Variants in SLC37A1 observed in about 807,000 individuals in gnomAD.
SLC37A1 encodes the protein solute carrier family 37 member 1, also known as glucose-6-phosphate exchanger SLC37A1.
A neutral mutation model predicts 75.3 loss-of-function variants in SLC37A1; 49 were observed. The ratio of observed to expected loss-of-function variants is 0.65; its 90% CI spans 0.52 to 0.83. The LOEUF (loss-of-function observed/expected upper bound fraction) is 0.83, where lower values mean the gene tolerates loss of function less well. Among genes scored for constraint, SLC37A1 ranks in the 40% least tolerant of loss-of-function variants. SLC37A1 has a pLI of 0.00. For synonymous variants in SLC37A1, 268 were observed against 292.1 expected, an observed-to-expected ratio of 0.92 and a Z score of 0.84; for missense variants, 566 against 695.0, an observed-to-expected ratio of 0.81 and a Z score of 2.09.
In SLC37A1 at chr21:42,505,277, C is replaced by T. The variant is rs535228225; in HGVS notation, c.-179+2860C>T. ...TCTCTTGCCTTATGTTCACACACCA[C>T]ACTCTCTGCTGTGGCCATAATGACT... On this transcript the variant is annotated intron_variant, in intron 2 of 20. Transcript: ENST00000398341. 2.6e-5 allele frequency among the ~76,000 whole-genome samples: 4 copies of T among 152,346 alleles called. No homozygotes were observed. In the East Asian group the frequency reaches 5.8e-4, roughly 22 times the overall value.
intron 9 of SLC37A1, among the ~76,000 whole-genome samples, chr21:42,551,973 G>A (rs1388820561): frequency 6.6e-6 from 1 of 152,098 alleles, no homozygotes; most frequent in Non-Finnish European, 1.5e-5. Context: ...TCTATCCCCT[G>A]TATCTCCTGT....
rs748910491 is a variant in SLC37A1 at position 42,568,417 on chromosome 21, A to G, written c.1402A>G (p.Ile468Val). ...AHALSTVTAI[I>V]DGTGSVGAAL... is the part of the protein sequence containing the mutation. ...CGCCCTCTCCACCGTGACGGCCATCATTGACGGGACGGGCTCTGTAGGTGC... is the reference window on the plus strand; with the variant it reads ...CGCCCTCTCCACCGTGACGGCCATCGTTGACGGGACGGGCTCTGTAGGTGC... Residue 468 changes from isoleucine (I) to valine (V), a missense_variant, in exon 17 of 20, where the codon ATT becomes GTT. Physicochemically the swap from Ile to Val is conservative, Grantham distance 29. Transcript: ENST00000352133. 1.5e-5 allele frequency: 25 copies of G among 1,614,012 alleles called. No homozygotes were observed. The highest frequency in any genetic ancestry group is 2.1e-5 in the Non-Finnish European group (25 of 1,180,006).
In SLC37A1 at chr21:42,547,624, C is replaced by A; in HGVS notation, c.768+484C>A. On this transcript the variant is annotated intron_variant, in intron 9 of 19. Coordinates refer to ENST00000352133, the MANE Select transcript of SLC37A1 (RefSeq NM_001320537.2). This position sits in a 1 kb window ranked among gnomAD's most constrained non-coding sequence, Gnocchi z 6.1. Reference sequence around the variant, plus strand: ...GCAGGATTGCTGACCACGTTGGCTGCCATGAATGAGCCCTGCCCTAGCTGC... The same window carrying A: ...GCAGGATTGCTGACCACGTTGGCTGACATGAATGAGCCCTGCCCTAGCTGC... 1 of 158,804 alleles carries A rather than the reference C, an allele frequency of 6.3e-6. No individual in the cohort carries two copies. The highest frequency in any genetic ancestry group is 1.4e-5 in the Non-Finnish European group (1 of 72,424). The allele number at this position is 158,804 out of a possible 1,614,324, so 9.8% of individuals were successfully genotyped here. A position where few individuals can be genotyped will look rare whatever the true frequency, so the allele number is the denominator to read the frequency against.
In SLC37A1 at chr21:42,548,863, C is replaced by T. The variant is rs138323962; in HGVS notation, c.768+1723C>T. Among the ~76,000 whole-genome samples, 678 of 152,252 alleles carry T rather than the reference C, an allele frequency of 4.5e-3. 3 individuals are homozygous for T. Among genetic ancestry groups the T allele is most frequent in the Non-Finnish European group, 6.6e-3 (448 of 68,028 alleles). ...CGGCACCTGGGGCAGCACCTGGCCT[C>T]GTGCGGGAGGGGGGCCAGAGTCCTT... On this transcript the variant is annotated intron_variant, in intron 9 of 19. Coordinates refer to ENST00000352133, the MANE Select transcript of SLC37A1 (RefSeq NM_001320537.2). The surrounding 1 kb of genome is among the most constrained non-coding windows in gnomAD (Gnocchi z 5.6).
At chr21:42,550,252 A>G (rs1368328025) in intron 9 of SLC37A1, among the ~76,000 whole-genome samples, 1 of 152,240 alleles carries the variant, frequency 6.6e-6, no homozygotes, top group Admixed American at 6.5e-5. Context: ...GGAGGACTCA[A>G]ATTACCAAAA....
At chr21:42,500,906 A>T (rs9978211) in intron 1 of SLC37A1, among the ~76,000 whole-genome samples, 4,695 of 152,288 alleles carry the variant, frequency 0.031, 245 homozygotes, top group African/African-American at 0.11. Context: ...CCCATACCTG[A>T]GGTATGTAGG....
chr21:42,524,312 C>T (rs989025627), intron 2 of SLC37A1, among the ~76,000 whole-genome samples: 9 of 152,110 alleles, frequency 5.9e-5, no homozygotes, highest in East Asian at 1.9e-4. Context: ...TTTTTCTATG[C>T]GGTGGTTGAG....
At chr21:42,551,321 A>G (rs1301580426) in intron 9 of SLC37A1, among the ~76,000 whole-genome samples, 1 of 152,250 alleles carries the variant, frequency 6.6e-6, no homozygotes, top group Non-Finnish European at 1.5e-5. Flanking sequence ...GCATCAAAAA[A>G]CATTACGCGA....
Position 42,539,538 on chromosome 21 carries a change from T to C in SLC37A1, c.377T>C (p.Ile126Thr). 1 of 1,613,500 alleles carries C rather than the reference T, an allele frequency of 6.2e-7. No individual in the cohort carries two copies. Among genetic ancestry groups the C allele is most frequent in the Non-Finnish European group, 8.5e-7 (1 of 1,179,758 alleles). Reference protein sequence around the residue: ...LSGIIGERLPIRYYLTFGMLA... With the variant: ...LSGIIGERLPTRYYLTFGMLA... Reference sequence around the variant, plus strand: ...GGCATCATTGGGGAGCGCCTGCCGATTAGGTATTACCTAACTTTCGGGATG... The same window carrying C: ...GGCATCATTGGGGAGCGCCTGCCGACTAGGTATTACCTAACTTTCGGGATG... Residue 126 changes from isoleucine (I) to threonine (T), a missense_variant, in exon 6 of 20, where the codon ATT becomes ACT. Physicochemically the swap from Ile to Thr is moderately conservative, Grantham distance 89 (BLOSUM62 -1). Coordinates refer to ENST00000352133, the MANE Select transcript of SLC37A1 (RefSeq NM_001320537.2).
chr21:42,504,111 A>G (rs1316857966), intron 2 of SLC37A1, among the ~76,000 whole-genome samples: 2 of 152,232 alleles, frequency 1.3e-5, no homozygotes, highest in Non-Finnish European at 2.9e-5. Flanking sequence ...AATGTGATTC[A>G]CTAATGCATT....
At chr21:42,520,524 G>A (rs1601665947) in intron 2 of SLC37A1, among the ~76,000 whole-genome samples, 2 of 152,156 alleles carry the variant, frequency 1.3e-5, no homozygotes, top group Non-Finnish European at 2.9e-5. Flanking sequence ...AATGGAGAAG[G>A]AGCTATAGGC....
At chr21:42,528,301 C>T (rs2054853058) in intron 3 of SLC37A1, among the ~76,000 whole-genome samples, 1 of 152,184 alleles carries the variant, frequency 6.6e-6, no homozygotes, top group Non-Finnish European at 1.5e-5. Context: ...CAGCTGTGGC[C>T]TAGCCTCAGG....
At position 42,554,225 on chromosome 21, in the gene SLC37A1, T is replaced by G. The variant is rs2055627148; in HGVS notation, c.849+83T>G. ...GAGCCACGTCGGCTCTCTGTCCCTCTGCCTATGTGACATGTGTCACAAACA... is the reference window on the plus strand; with the variant it reads ...GAGCCACGTCGGCTCTCTGTCCCTCGGCCTATGTGACATGTGTCACAAACA... On this transcript the variant is annotated intron_variant, in intron 10 of 19. Coordinates refer to ENST00000352133, the MANE Select transcript of SLC37A1 (RefSeq NM_001320537.2). The G allele has an allele frequency of 3.4e-6, 4 of 1,172,472 alleles. No homozygotes were observed. In the South Asian group the frequency reaches 5.5e-5, roughly 16 times the overall value. 72.6% of individuals were successfully genotyped at this position (1,172,472 alleles called of 1,614,324 possible).
chr21:42,551,545 TA>T (rs1228393644), intron 9 of SLC37A1, among the ~76,000 whole-genome samples: 3 of 152,254 alleles, frequency 2.0e-5, no homozygotes, highest in Non-Finnish European at 4.4e-5. Flanking sequence ...AAACTGAATT[TA>T]AAAACCACTG....
intron 16 of SLC37A1, among the ~76,000 whole-genome samples, chr21:42,567,896 G>A (rs568215045): frequency 1.4e-4 from 22 of 152,266 alleles, no homozygotes; most frequent in South Asian, 6.2e-4. Context: ...TTCCCCTGGC[G>A]TTTGCTATTG....
chr21:42,539,086 A>G (rs575553629), intron 5 of SLC37A1, among the ~76,000 whole-genome samples: 1 of 152,344 alleles, frequency 6.6e-6, no homozygotes, highest in East Asian at 1.9e-4. Context: ...GTGGGGCCGA[A>G]TGACTTGCTC....
At chr21:42,501,710 A>G (rs1601644471) in intron 1 of SLC37A1, among the ~76,000 whole-genome samples, 1 of 152,108 alleles carries the variant, frequency 6.6e-6, no homozygotes, top group African/African-American at 2.4e-5. Context: ...CAAGAGTGAA[A>G]CTCTATCTCA....
intron 2 of SLC37A1, among the ~76,000 whole-genome samples, chr21:42,506,670 T>A (rs913703963): frequency 1.3e-5 from 2 of 152,048 alleles, no homozygotes; most frequent in Non-Finnish European, 2.9e-5. Flanking sequence ...CCCCACAGAA[T>A]CACACTAGGA....
chr21:42,551,241 A>C (rs2055549458), intron 9 of SLC37A1, among the ~76,000 whole-genome samples: 1 of 152,250 alleles, frequency 6.6e-6, no homozygotes, highest in South Asian at 2.1e-4. Context: ...GTATACAAAA[A>C]TCAATTGTAT....
Sources: allele counts gnomAD v4.1 joint callset (sites outside exome capture counted in the v4.1 genomes callset), GRCh38; gene constraint gnomAD v4.1.1; non-coding constraint Gnocchi (gnomAD v3.1); transcripts MANE v1.5; gene names NCBI Gene and HGNC (gene_info 2026-07-23, HGNC 2026-07-21).